Variants in GKN1 observed in about 807,000 individuals in gnomAD.
GKN1 encodes gastrokine-1.
GKN1 carries 17 observed loss-of-function variants against 19.7 expected under a neutral mutation model. That is an observed-to-expected ratio of 0.86 (90% CI 0.59 to 1.29). The LOEUF is 1.29. Ranked by LOEUF, GKN1 falls within the 50% of genes most tolerant of loss-of-function variation. The pLI is 0.00. For synonymous variants in GKN1, 96 were observed against 78.3 expected (o/e 1.23, Z -1.20); for missense variants, 218 against 224.5 (o/e 0.97, Z 0.19).
rs1473504063 is a variant in GKN1 at position 68,977,670 on chromosome 2, G to A, written c.100G>A (p.Gly34Arg). 6.2e-7 allele frequency: 1 copy of A among 1,609,782 alleles called. No homozygotes were observed. Among genetic ancestry groups the A allele is most frequent in the African/African-American group, 1.3e-5 (1 of 74,816 alleles). Residue 34 changes from glycine (G) to arginine (R), a missense_variant, in exon 3 of 6, where the codon GGA becomes AGA. Transcript: ENST00000377938. Reference protein sequence around the residue: ...INVNDDNNNAGSGQQSVSVNN... With the variant: ...INVNDDNNNARSGQQSVSVNN... ...CGTCAATGATGACAACAACAATGCT[G>A]GAAGTGGGCAGCAGTCAGTGAGTGT...
chr2:68,978,323 G>GAA (rs1558715368), intron 3 of GKN1, among the ~76,000 whole-genome samples: 2 of 145,716 alleles, frequency 1.4e-5, no homozygotes, highest in Non-Finnish European at 3.0e-5. Flanking sequence ...AAAGAAAAAA[G>GAA]AGAGAAAGAG....
rs757137379 is a variant in GKN1, at chr2:68,980,053, G to A, written c.456G>A (p.Glu152=). Reference sequence around the variant, plus strand: ...GGATTCCAACATACATGGCTGAGGAGATGCAAGGTGAGTAGCATCCCTACT... The same window carrying A: ...GGATTCCAACATACATGGCTGAGGAAATGCAAGGTGAGTAGCATCCCTACT... ...CRGIPTYMAE[E]MQEASLFFYS... Residue 152 remains glutamate (E), a synonymous_variant, in exon 5 of 6, where the codon GAG becomes GAA. Transcript: ENST00000377938. 1 of 1,613,502 alleles carries A rather than the reference G, an allele frequency of 6.2e-7. No individual in the cohort carries two copies. The highest frequency in any genetic ancestry group is 1.3e-5 in the African/African-American group (1 of 75,028).
intron 5 of GKN1, 111 bp downstream of exon 5, chr2:68,980,171 A>G: frequency 1.1e-6 from 1 of 907,286 alleles, no homozygotes; most frequent in East Asian, 2.5e-5. Flanking sequence ...CATCAAGGCC[A>G]ACATTTGTGC....
chr2:68,977,485 G>A lies in GKN1; in HGVS notation c.13-10G>A, dbSNP rs200487427. 1.9e-6 allele frequency: 3 copies of A among 1,589,982 alleles called. No homozygotes were observed. Among genetic ancestry groups the A allele is most frequent in the Non-Finnish European group, 2.6e-6 (3 of 1,159,164 alleles). On this transcript the variant is annotated splice_polypyrimidine_tract_variant and intron_variant, in intron 1 of 5. Coordinates refer to ENST00000377938, the MANE Select transcript of GKN1 (RefSeq NM_019617.4). ...ATGTAACAGGAGACCAATGTTATTT[G>A]TGATTTCAGATTGTCTTTGCTGGAC...
At chr2:68,975,687 G>C (rs1670248351) in intron 1 of GKN1, among the ~76,000 whole-genome samples, 1 of 152,104 alleles carries the variant, frequency 6.6e-6, no homozygotes, top group Admixed American at 6.6e-5. Context: ...GGTTAGATTT[G>C]ATTTCTCTCC....
chr2:68,978,193 A>G (rs1274357886), intron 3 of GKN1: 2 of 154,396 alleles, frequency 1.3e-5, no homozygotes, highest in African/African-American at 4.9e-5. Context: ...AAACTCGGGA[A>G]ATGTAAATGA....
intron 1 of GKN1, among the ~76,000 whole-genome samples, chr2:68,976,528 T>C (rs1670264828): frequency 6.6e-6 from 1 of 152,194 alleles, no homozygotes; most frequent in African/African-American, 2.4e-5. Context: ...CAACAACCTG[T>C]GTAACATAAG....
intron 1 of GKN1, 39 bp downstream of exon 1, chr2:68,974,728 T>C: frequency 3.3e-6 from 4 of 1,207,376 alleles, no homozygotes; most frequent in East Asian, 2.3e-5. Context: ...CACCAAATGA[T>C]TGGAGACTGT....
At chr2:68,980,706 G>A (rs766057682) in intron 5 of GKN1, 23 bp from the exon 6 acceptor site, 6 of 1,230,376 alleles carry the variant, frequency 4.9e-6, no homozygotes, top group Non-Finnish European at 7.2e-6. Flanking sequence ...ATTAATATAG[G>A]CTTCTTCTTT....
At chr2:68,976,369 T>G (rs571790870) in intron 1 of GKN1, among the ~76,000 whole-genome samples, 1 of 152,192 alleles carries the variant, frequency 6.6e-6, no homozygotes, top group Non-Finnish European at 1.5e-5. Context: ...AACTTTCTTA[T>G]ATTGGGGCAC....
chr2:68,977,613 C>T (rs779356901), intron 2 of GKN1, 24 bp from the exon 3 acceptor site: 8 of 1,605,280 alleles, frequency 5.0e-6, no homozygotes, highest in South Asian at 1.1e-5. Context: ...TATTAAATCA[C>T]TCTCAATCTC....
rs773659037 is a variant in GKN1, at chr2:68,979,947, A to AG, written c.353dup (p.Leu119ProfsTer12). On this transcript the variant is annotated frameshift_variant, in exon 5 of 6. Transcript: ENST00000377938. LOFTEE classifies it high-confidence loss of function. The stretch of plus-strand genomic sequence containing the variant: ...AAGGGACCAGGAGGACCACCTCCCA[A>AG]GGGCCTGATGTACTCAGTCAACCCA... 1 of 1,613,562 alleles carries AG rather than the reference A, an allele frequency of 6.2e-7. No individual in the cohort carries two copies. The highest frequency in any genetic ancestry group is 2.2e-5 in the East Asian group (1 of 44,884).
In GKN1 at chr2:68,974,636, A is replaced by G; in HGVS notation, c.-42A>G. On this transcript the variant is annotated 5_prime_UTR_variant, in exon 1 of 6. The change abolishes an upstream ATG in the 5' untranslated region. Coordinates refer to ENST00000377938, the MANE Select transcript of GKN1 (RefSeq NM_019617.4). The stretch of plus-strand genomic sequence containing the variant: ...ATGAGAAGGCTTCTCATTCAGGTCC[A>G]TGCTTGCCTACTCCTCTGTCCACTG... 1 of 1,595,576 alleles carries G rather than the reference A, an allele frequency of 6.3e-7. No individual in the cohort carries two copies. The highest frequency in any genetic ancestry group is 1.3e-5 in the African/African-American group (1 of 74,664).
In GKN1 at chr2:68,980,050, G is replaced by A. The variant is rs371665035; in HGVS notation, c.453G>A (p.Glu151=). Residue 151 remains glutamate, a synonymous_variant, in exon 5 of 6, where the codon GAG becomes GAA. Coordinates refer to ENST00000377938, the MANE Select transcript of GKN1 (RefSeq NM_019617.4). ...GTGGGATTCCAACATACATGGCTGA[G>A]GAGATGCAAGGTGAGTAGCATCCCT... ...MCRGIPTYMA[E]EMQEASLFFY... The A allele has an allele frequency of 6.2e-7, 1 of 1,613,586 alleles. No homozygotes were observed. Among genetic ancestry groups the A allele is most frequent in the African/African-American group, 1.3e-5 (1 of 74,902 alleles).
chr2:68,978,179 C>T (rs2103923380), intron 3 of GKN1: 1 of 151,296 alleles, frequency 6.6e-6, no homozygotes, highest in Non-Finnish European at 1.4e-5. Context: ...TGACATTTCA[C>T]CTAAAACTCG....
chr2:68,978,147 G>T (rs748603058), intron 3 of GKN1: 1 of 191,790 alleles, frequency 5.2e-6, no homozygotes, highest in East Asian at 1.3e-4. Context: ...GAGGTTTTAC[G>T]ACCTTCTAAA....
At chr2:68,980,150 G>A in intron 5 of GKN1, 90 bp downstream of exon 5, 1 of 1,125,362 alleles carries the variant, frequency 8.9e-7, no homozygotes, top group Non-Finnish European at 1.3e-6. Flanking sequence ...CACCAGTGAT[G>A]CAGGGATGGT....
intron 4 of GKN1, among the ~76,000 whole-genome samples, 184 bp downstream of exon 4, chr2:68,979,165 C>T (rs1270508578): frequency 1.3e-5 from 2 of 152,168 alleles, no homozygotes; most frequent in African/African-American, 2.4e-5. Context: ...CTGTGGCTCA[C>T]ACCTACCTCT....
At chr2:68,976,324 G>A (rs1427803560) in intron 1 of GKN1, among the ~76,000 whole-genome samples, 1 of 151,536 alleles carries the variant, frequency 6.6e-6, no homozygotes, top group Non-Finnish European at 1.5e-5. Flanking sequence ...TTTTTTCCAA[G>A]GAAAATAAGA....
Sources: allele counts gnomAD v4.1 joint callset (sites outside exome capture counted in the v4.1 genomes callset), GRCh38; gene constraint gnomAD v4.1.1; transcripts MANE v1.5; gene names NCBI Gene and HGNC (gene_info 2026-07-23, HGNC 2026-07-21).